The following GALNT7 variants were observed in gnomAD, a reference collection of about 807,000 sequenced individuals.
GALNT7 encodes the protein polypeptide N-acetylgalactosaminyltransferase 7.
Under a neutral mutation model 82.1 loss-of-function variants are expected in GALNT7, and 60 were observed. That is an observed-to-expected ratio of 0.73 (90% CI 0.59 to 0.91). The LOEUF is 0.91. Ranked by LOEUF, GALNT7 falls within the 40% of genes least tolerant of loss-of-function variation. The pLI is 0.00. For missense variants in GALNT7, 660 were observed against 804.2 expected, an observed-to-expected ratio of 0.82 and a Z score of 2.17; for synonymous variants, 243 against 275.1, an observed-to-expected ratio of 0.88 and a Z score of 1.15.
intron 1 of GALNT7, among the ~76,000 whole-genome samples, chr4:173,180,782 C>A (rs144006321): frequency 2.0e-5 from 3 of 152,336 alleles, no homozygotes; most frequent in African/African-American, 7.2e-5. Context: ...CTTTACCCTT[C>A]TCCTGGTAGT....
At chr4:173,242,922 T>C (rs925536460) in intron 1 of GALNT7, among the ~76,000 whole-genome samples, 1 of 152,244 alleles carries the variant, frequency 6.6e-6, no homozygotes, top group Non-Finnish European at 1.5e-5. Flanking sequence ...AAGGTGTTTT[T>C]GATCAAGAGA....
chr4:173,306,056 A>G (rs1455196594), intron 8 of GALNT7, among the ~76,000 whole-genome samples: 1 of 152,018 alleles, frequency 6.6e-6, no homozygotes, highest in South Asian at 2.1e-4. Context: ...TATTTTGTGT[A>G]TTCTTCAATT....
chr4:173,216,719 A>AT (rs1269758613), intron 1 of GALNT7, among the ~76,000 whole-genome samples: 17 of 13,468 alleles, frequency 1.3e-3, no homozygotes, highest in African/African-American at 2.5e-3. Context: ...ATATATATAT[A>AT]TATATATATT....
chr4:173,278,129 A>G (rs906935602), intron 2 of GALNT7, among the ~76,000 whole-genome samples: 1 of 152,206 alleles, frequency 6.6e-6, no homozygotes, highest in Non-Finnish European at 1.5e-5. Context: ...ACATATTTAA[A>G]AAGTAGCCAT....
At chr4:173,230,944 T>G (rs1254224932) in intron 1 of GALNT7, among the ~76,000 whole-genome samples, 1 of 152,218 alleles carries the variant, frequency 6.6e-6, no homozygotes, top group Non-Finnish European at 1.5e-5. Context: ...ATAGGCTCAA[T>G]TGTGAATAAT....
intron 10 of GALNT7, 132 bp from the exon 11 acceptor site, chr4:173,318,299 A>G (rs1489872904): frequency 3.1e-6 from 2 of 640,026 alleles, no homozygotes; most frequent in African/African-American, 1.9e-5. Context: ...GTGGACTTAC[A>G]GTTCTAAACA....
intron 2 of GALNT7, among the ~76,000 whole-genome samples, chr4:173,261,900 A>C (rs571072026): frequency 6.6e-6 from 1 of 152,154 alleles, no homozygotes; most frequent in East Asian, 1.9e-4. Context: ...ATCAAAATAT[A>C]CAACATTGAA....
chr4:173,197,564 G>A (rs930465700), intron 1 of GALNT7, among the ~76,000 whole-genome samples: 12 of 152,278 alleles, frequency 7.9e-5, no homozygotes, highest in South Asian at 2.1e-4. Context: ...TGTAGATTCC[G>A]TAGTACCTAG....
chr4:173,179,790 AAAAC>A (rs2126626346), intron 1 of GALNT7, among the ~76,000 whole-genome samples: 2 of 148,612 alleles, frequency 1.3e-5, no homozygotes, highest in African/African-American at 4.8e-5. Context: ...GCCTAAATAG[AAAAC>A]AAAACAAAAC....
intron 1 of GALNT7, among the ~76,000 whole-genome samples, chr4:173,203,689 G>C (rs1244053453): frequency 6.6e-6 from 1 of 151,974 alleles, no homozygotes; most frequent in African/African-American, 2.4e-5. Flanking sequence ...GTTATAACAG[G>C]CTATTTTAAG....
intron 1 of GALNT7, among the ~76,000 whole-genome samples, chr4:173,184,203 C>T (rs933752418): frequency 3.3e-5 from 5 of 151,884 alleles, no homozygotes; most frequent in Admixed American, 2.0e-4. Flanking sequence ...GGGTGGCGGC[C>T]GGGCAGAGGC....
intron 1 of GALNT7, among the ~76,000 whole-genome samples, chr4:173,184,752 A>G (rs995660929): frequency 7.2e-5 from 11 of 152,042 alleles, no homozygotes; most frequent in Admixed American, 7.2e-4. Flanking sequence ...GTAAAAAAAA[A>G]ACTGATTTAG....
chr4:173,295,749 C>T lies in GALNT7; in HGVS notation c.886-15C>T, dbSNP rs1195093033. 6 of 1,555,520 alleles carry T rather than the reference C, an allele frequency of 3.9e-6. No homozygotes were observed. The highest frequency in any genetic ancestry group is 2.2e-5 in the East Asian group (1 of 44,568). On this transcript the variant is annotated splice_polypyrimidine_tract_variant and intron_variant, in intron 4 of 11. Transcript: ENST00000265000. ...TATATGAGGAGTATTCTTTCACCTGCCTCTTTTTTTTAAGGTTTTGATATA... is the reference window on the plus strand; with the variant it reads ...TATATGAGGAGTATTCTTTCACCTGTCTCTTTTTTTTAAGGTTTTGATATA...
intron 6 of GALNT7, 80 bp downstream of exon 6, chr4:173,298,377 G>C (rs576099405): frequency 4.3e-6 from 4 of 921,912 alleles, no homozygotes. Context: ...CTAAAGATTC[G>C]TTATTAAAAC....
chr4:173,285,897 G>A (rs1579990584), intron 2 of GALNT7, among the ~76,000 whole-genome samples: 3 of 152,184 alleles, frequency 2.0e-5, no homozygotes, highest in Non-Finnish European at 4.4e-5. Context: ...AATGGGATTT[G>A]TGGCACCTTA....
chr4:173,178,067 G>GCA (rs1732127951), intron 1 of GALNT7, among the ~76,000 whole-genome samples: 1 of 139,162 alleles, frequency 7.2e-6, no homozygotes, highest in South Asian at 2.2e-4. Context: ...GCACGCGCGT[G>GCA]CGCACAGACA....
chr4:173,297,238 C>CT (rs892004841), intron 5 of GALNT7, among the ~76,000 whole-genome samples: 136 of 144,754 alleles, frequency 9.4e-4, no homozygotes, highest in South Asian at 6.4e-3. Flanking sequence ...GCAACAATAC[C>CT]TTTTTTTTTT....
At chr4:173,186,311 G>A (rs1732459120) in intron 1 of GALNT7, among the ~76,000 whole-genome samples, 1 of 152,206 alleles carries the variant, frequency 6.6e-6, no homozygotes, top group African/African-American at 2.4e-5. Flanking sequence ...TCATTATATA[G>A]TAAAAGTACA....
At chr4:173,170,317 C>G (rs565633753) in intron 1 of GALNT7, among the ~76,000 whole-genome samples, 2 of 152,326 alleles carry the variant, frequency 1.3e-5, no homozygotes, top group South Asian at 4.1e-4. Flanking sequence ...ATGAGCATCG[C>G]TTCTATGTCA....
Sources: gnomAD v4.1 joint callset for allele counts (sites outside exome capture counted in the v4.1 genomes callset) on GRCh38, gnomAD v4.1.1 for gene constraint, MANE v1.5 for transcripts, NCBI Gene and HGNC (gene_info 2026-07-23, HGNC 2026-07-21) for gene names.